CA10: variants seen among roughly 807,000 people sequenced by gnomAD.
CA10 encodes the protein carbonic anhydrase 10 (inactive), also known as carbonic anhydrase-related protein 10.
Under a neutral mutation model 44.2 loss-of-function variants are expected in CA10, and 14 were observed. The observed-to-expected ratio is 0.32, with a 90% CI of 0.21 to 0.50. CA10 has a LOEUF of 0.50. Among genes scored for constraint, CA10 ranks in the 20% least tolerant of loss-of-function variants. The pLI, the probability that CA10 is intolerant of heterozygous loss-of-function variation, is 0.99. For synonymous variants in CA10, 159 were observed against 141.6 expected, an observed-to-expected ratio of 1.12 and a Z score of -0.87; for missense variants, 350 against 409.7, an observed-to-expected ratio of 0.85 and a Z score of 1.26.
At chr17:51,865,596 A>G (rs1299889533) in intron 3 of CA10, among the ~76,000 whole-genome samples, 1 of 152,202 alleles carries the variant, frequency 6.6e-6, no homozygotes, top group East Asian at 1.9e-4. Context: ...TCAAAACCAG[A>G]CAATATAATG....
At chr17:52,025,888 A>C (rs1367674586) in intron 2 of CA10, among the ~76,000 whole-genome samples, 1 of 152,100 alleles carries the variant, frequency 6.6e-6, no homozygotes, top group Non-Finnish European at 1.5e-5. Context: ...GAGGAAATAA[A>C]CTTGTCCAGG....
At chr17:51,903,260 G>T (rs1056005585) in intron 3 of CA10, among the ~76,000 whole-genome samples, 9 of 152,112 alleles carry the variant, frequency 5.9e-5, no homozygotes, top group Non-Finnish European at 1.3e-4. Flanking sequence ...GAGAAATTTT[G>T]TATTTCCTCC....
intron 3 of CA10, among the ~76,000 whole-genome samples, chr17:51,857,878 A>G (rs1222293498): frequency 1.3e-5 from 2 of 152,156 alleles, no homozygotes; most frequent in African/African-American, 4.8e-5. Context: ...TCCTTAGAAA[A>G]CACTCATTTT....
At chr17:51,654,549 G>A (rs1913712879) in intron 4 of CA10, among the ~76,000 whole-genome samples, 1 of 140,862 alleles carries the variant, frequency 7.1e-6, no homozygotes, top group Admixed American at 7.8e-5. Flanking sequence ...TTAACAGTAT[G>A]GAAGCCTAAT....
intron 3 of CA10, among the ~76,000 whole-genome samples, chr17:51,856,807 G>T (rs55873345): frequency 2.6e-5 from 4 of 152,158 alleles, no homozygotes; most frequent in African/African-American, 7.2e-5. Flanking sequence ...CTTATGAAAG[G>T]CTCCAAAGCG....
intron 3 of CA10, among the ~76,000 whole-genome samples, chr17:51,878,831 T>C (rs1980209543): frequency 7.0e-4 from 3 of 4,282 alleles, no homozygotes; most frequent in African/African-American, 3.3e-3. Context: ...TTCATGTTCA[T>C]ATATATATAT....
chr17:51,760,210 C>T (rs1378807860), intron 3 of CA10, among the ~76,000 whole-genome samples: 2 of 152,214 alleles, frequency 1.3e-5, no homozygotes, highest in Admixed American at 6.5e-5. Flanking sequence ...ATGTCAGAAT[C>T]CTTGATGCCA....
chr17:51,920,241 A>G (rs1982174884), intron 3 of CA10, among the ~76,000 whole-genome samples: 1 of 152,122 alleles, frequency 6.6e-6, no homozygotes, highest in Admixed American at 6.5e-5. Flanking sequence ...TGGAGAACCA[A>G]TTTCACTCAT....
rs1008307982 is a variant in CA10, at chr17:52,146,559, G to A, written c.61+11167C>T. 5.9e-5 allele frequency among the ~76,000 whole-genome samples: 9 copies of A among 151,990 alleles called. No homozygotes were observed. The South Asian group carries it at 6.2e-4, about 11-fold the overall frequency. ...CAAAAAATCAGCCGGCCGTGGTGGC[G>A]GGCGCCTGTAGTCCCAGCTACTCGG... On this transcript the variant is annotated intron_variant, in intron 1 of 8. Transcript: ENST00000451037.
At chr17:51,954,588 T>C (rs954413761) in intron 2 of CA10, among the ~76,000 whole-genome samples, 1 of 152,136 alleles carries the variant, frequency 6.6e-6, no homozygotes, top group Non-Finnish European at 1.5e-5. Context: ...AAACCAGATA[T>C]CCTCACTCCC....
intron 2 of CA10, among the ~76,000 whole-genome samples, chr17:52,053,493 CT>C (rs1466697229): frequency 2.0e-5 from 3 of 147,206 alleles, no homozygotes; most frequent in Admixed American, 6.6e-5. Context: ...TAAGAAAATA[CT>C]CAAACGGATA....
At chr17:51,657,284 G>A (rs1913831170) in intron 4 of CA10, among the ~76,000 whole-genome samples, 1 of 152,050 alleles carries the variant, frequency 6.6e-6, no homozygotes, top group Non-Finnish European at 1.5e-5. Flanking sequence ...AGATAACCTG[G>A]GACCTGTATC....
intron 3 of CA10, among the ~76,000 whole-genome samples, chr17:51,856,176 G>T (rs933546217): frequency 2.0e-5 from 3 of 152,138 alleles, no homozygotes; most frequent in African/African-American, 7.2e-5. Context: ...TTTGCAGAAG[G>T]ACTGACATGC....
intron 3 of CA10, among the ~76,000 whole-genome samples, chr17:51,821,470 G>T (rs1299564361): frequency 6.6e-6 from 1 of 151,882 alleles, no homozygotes; most frequent in Non-Finnish European, 1.5e-5. Flanking sequence ...CTGATCATTT[G>T]TCGTCTCCCC....
intron 4 of CA10, among the ~76,000 whole-genome samples, chr17:51,678,462 G>A (rs1175422198): frequency 7.2e-5 from 11 of 152,176 alleles, no homozygotes; most frequent in Non-Finnish European, 1.2e-4. Context: ...GAAAAGCAAA[G>A]CCGTTTAAAA....
At chr17:51,693,877 G>A (rs1283698693) in intron 4 of CA10, among the ~76,000 whole-genome samples, 1 of 152,096 alleles carries the variant, frequency 6.6e-6, no homozygotes, top group Non-Finnish European at 1.5e-5. Context: ...GGGATTGTGA[G>A]GTTGAATGGT....
chr17:51,709,203 G>A (rs1290061210), intron 4 of CA10, among the ~76,000 whole-genome samples: 1 of 152,154 alleles, frequency 6.6e-6, no homozygotes, highest in East Asian at 1.9e-4. Context: ...TATGTATCGG[G>A]CAGATGTCCT....
At chr17:51,779,523 A>T (rs925794682) in intron 3 of CA10, among the ~76,000 whole-genome samples, 1 of 152,040 alleles carries the variant, frequency 6.6e-6, no homozygotes, top group Non-Finnish European at 1.5e-5. Flanking sequence ...GCAGGTCTTG[A>T]AAAATGCATC....
chr17:51,948,772 T>C (rs971184368), intron 2 of CA10, among the ~76,000 whole-genome samples: 1 of 152,198 alleles, frequency 6.6e-6, no homozygotes, highest in Non-Finnish European at 1.5e-5. Flanking sequence ...GCATGGTTTC[T>C]ATTTTCTTCA....
Sources: gnomAD v4.1 joint callset for allele counts (sites outside exome capture counted in the v4.1 genomes callset) on GRCh38, gnomAD v4.1.1 for gene constraint, MANE v1.5 for transcripts, NCBI Gene and HGNC (gene_info 2026-07-23, HGNC 2026-07-21) for gene names.